SPAG16: variants seen among roughly 807,000 people sequenced by gnomAD.
SPAG16 encodes sperm associated antigen 16.
In SPAG16, 86 loss-of-function variants were observed where a neutral mutation model predicts 80.4. The ratio of observed to expected loss-of-function variants is 1.07; its 90% CI spans 0.90 to 1.28. The LOEUF (loss-of-function observed/expected upper bound fraction) is 1.28, where lower values mean the gene tolerates loss of function less well. Ranked by LOEUF, SPAG16 falls within the 50% of genes most tolerant of loss-of-function variation. The probability of loss-of-function intolerance (pLI) is 0.00; values close to 1 mark genes in which losing one functional copy is unlikely to be tolerated. For synonymous variants in SPAG16, 294 were observed against 265.9 expected (o/e 1.11, Z -1.03); for missense variants, 870 against 765.3 (o/e 1.14, Z -1.61).
chr2:213,674,204 T>C (rs1244921999), intron 10 of SPAG16, among the ~76,000 whole-genome samples: 1 of 152,150 alleles, frequency 6.6e-6, no homozygotes. Context: ...CATGCTGTTA[T>C]AATTTTATAG....
At chr2:214,385,782 T>G (rs1700714793) in intron 15 of SPAG16, among the ~76,000 whole-genome samples, 1 of 151,982 alleles carries the variant, frequency 6.6e-6, no homozygotes, top group Non-Finnish European at 1.5e-5. Context: ...AGGTGGAGGT[T>G]GCAGTGAGCT....
At chr2:213,508,607 G>T (rs148379745) in intron 10 of SPAG16, among the ~76,000 whole-genome samples, 3,072 of 152,232 alleles carry the variant, frequency 0.02, 43 homozygotes, top group Middle Eastern at 0.051. Context: ...ATGAGTTCAT[G>T]TCCTTTGTAG....
At chr2:213,718,616 T>C (rs1201393420) in intron 10 of SPAG16, among the ~76,000 whole-genome samples, 5 of 152,114 alleles carry the variant, frequency 3.3e-5, no homozygotes, top group African/African-American at 4.8e-5. Flanking sequence ...CCCGGGGCAA[T>C]GGGGGACTTA....
intron 4 of SPAG16, among the ~76,000 whole-genome samples, chr2:213,314,009 T>C (rs1029028765): frequency 6.6e-6 from 1 of 151,878 alleles, no homozygotes; most frequent in Non-Finnish European, 1.5e-5. Context: ...GGTGCCACCA[T>C]GAGGGAAAAA....
intron 15 of SPAG16, among the ~76,000 whole-genome samples, chr2:214,207,726 G>A (rs980917278): frequency 1.3e-5 from 2 of 152,162 alleles, no homozygotes; most frequent in Non-Finnish European, 2.9e-5. Flanking sequence ...CAGGGGATTG[G>A]GAGAAGAAGA....
At chr2:213,319,237 G>A (rs1268153103) in intron 5 of SPAG16, among the ~76,000 whole-genome samples, 1 of 151,730 alleles carries the variant, frequency 6.6e-6, no homozygotes, top group East Asian at 1.9e-4. Flanking sequence ...TACCATATAG[G>A]AACATAATAT....
chr2:213,732,747 T>C (rs554253755), intron 10 of SPAG16, among the ~76,000 whole-genome samples: 64 of 152,336 alleles, frequency 4.2e-4, no homozygotes, highest in African/African-American at 1.5e-3. Context: ...TCTGTGATTT[T>C]TTTTGAGCAG....
chr2:214,265,202 C>A lies in SPAG16; in HGVS notation c.1720+115936C>A, dbSNP rs1276929512. On this transcript the variant is annotated intron_variant, in intron 15 of 15. Coordinates refer to ENST00000331683, the MANE Select transcript of SPAG16 (RefSeq NM_024532.5). ...CAAACTGTTTGCCAAAGTGGATGTA[C>A]AAATTTGTATTCTCACCAACAATAA... Among the ~76,000 whole-genome samples the A allele has an allele frequency of 5.9e-5, 9 of 152,210 alleles. No homozygotes were observed. In the East Asian group the frequency reaches 1.7e-3, roughly 29 times the overall value.
chr2:213,460,968 A>T, intron 9 of SPAG16, among the ~76,000 whole-genome samples: 1 of 152,314 alleles, frequency 6.6e-6, no homozygotes, highest in East Asian at 1.9e-4. Context: ...AATATAAAAA[A>T]TATAAATTAT....
At chr2:214,357,953 C>T (rs142782595) in intron 15 of SPAG16, among the ~76,000 whole-genome samples, 9 of 151,906 alleles carry the variant, frequency 5.9e-5, no homozygotes, top group Admixed American at 3.3e-4. Flanking sequence ...CTCTTAGGAA[C>T]GTGAGTTTAT....
At chr2:214,091,515 G>A (rs2052207435) in intron 13 of SPAG16, among the ~76,000 whole-genome samples, 1 of 152,118 alleles carries the variant, frequency 6.6e-6, no homozygotes. Context: ...GTACTGAGAA[G>A]CATTCAATCA....
chr2:213,657,222 C>T (rs78222505), intron 10 of SPAG16, among the ~76,000 whole-genome samples: 9,057 of 152,122 alleles, frequency 0.06, 887 homozygotes, highest in African/African-American at 0.2. Flanking sequence ...ATAAGTGCAT[C>T]AATGAATATA....
intron 10 of SPAG16, among the ~76,000 whole-genome samples, chr2:213,824,696 T>C (rs2073162524): frequency 6.6e-6 from 1 of 152,222 alleles, no homozygotes; most frequent in African/African-American, 2.4e-5. Context: ...TTTGTTCTTT[T>C]AGCTCAGGGT....
chr2:214,188,918 C>G (rs2125691146), intron 15 of SPAG16, among the ~76,000 whole-genome samples: 1 of 152,144 alleles, frequency 6.6e-6, no homozygotes, highest in Non-Finnish European at 1.5e-5. Flanking sequence ...TCATTTATAG[C>G]AAGGTGTGTC....
At chr2:213,979,681 G>A (rs1559652251) in intron 12 of SPAG16, among the ~76,000 whole-genome samples, 1 of 151,952 alleles carries the variant, frequency 6.6e-6, no homozygotes, top group Non-Finnish European at 1.5e-5. Flanking sequence ...TGACACGTGG[G>A]GATAATGGAG....
At chr2:213,996,565 C>CTTTTTTTT (rs57100155) in intron 12 of SPAG16, among the ~76,000 whole-genome samples, 3 of 116,980 alleles carry the variant, frequency 2.6e-5, no homozygotes, top group Non-Finnish European at 5.3e-5. Flanking sequence ...TAATGCTATT[C>CTTTTTTTT]TTTTTTTTTT....
At chr2:213,905,757 G>A (rs2077404714) in intron 11 of SPAG16, among the ~76,000 whole-genome samples, 1 of 152,118 alleles carries the variant, frequency 6.6e-6, no homozygotes, top group Admixed American at 6.6e-5. Context: ...GCAGGGAGAG[G>A]GCAAATGTTG....
intron 10 of SPAG16, among the ~76,000 whole-genome samples, chr2:213,610,948 G>C (rs1338301081): frequency 1.3e-5 from 2 of 152,174 alleles, no homozygotes; most frequent in African/African-American, 4.8e-5. Context: ...GGTCTATTCA[G>C]TAAACATTAT....
At chr2:213,346,468 A>T (rs1258775149) in intron 6 of SPAG16, among the ~76,000 whole-genome samples, 1 of 152,230 alleles carries the variant, frequency 6.6e-6, no homozygotes, top group African/African-American at 2.4e-5. Context: ...CCAGTTTTCA[A>T]AGGGAATGCT....
Sources: gnomAD v4.1 joint callset for allele counts (sites outside exome capture counted in the v4.1 genomes callset) on GRCh38, gnomAD v4.1.1 for gene constraint, MANE v1.5 for transcripts, NCBI Gene and HGNC (gene_info 2026-07-23, HGNC 2026-07-21) for gene names.